CDK19: variants seen among roughly 807,000 people sequenced by gnomAD.
The protein encoded by CDK19 is cyclin-dependent kinase 19.
Under a neutral mutation model 68.3 loss-of-function variants are expected in CDK19, and 20 were observed. That is an observed-to-expected ratio of 0.29 (90% CI 0.21 to 0.43). The LOEUF is 0.43. Among genes scored for constraint, CDK19 ranks in the 20% least tolerant of loss-of-function variants. The probability of loss-of-function intolerance (pLI) is 1.00; values close to 1 mark genes in which losing one functional copy is unlikely to be tolerated. For synonymous variants in CDK19, 221 were observed against 222.8 expected (o/e 0.99, Z 0.07); for missense variants, 339 against 623.5 (o/e 0.54, Z 4.86).
chr6:110,662,461 A>G (rs1021490820), intron 4 of CDK19, among the ~76,000 whole-genome samples: 1 of 152,172 alleles, frequency 6.6e-6, no homozygotes, highest in East Asian at 1.9e-4. Context: ...TGAAGGAGTC[A>G]TAAATCCACT....
chr6:110,809,877 T>G (rs1053263902), intron 1 of CDK19, among the ~76,000 whole-genome samples: 1 of 152,208 alleles, frequency 6.6e-6, no homozygotes, highest in Non-Finnish European at 1.5e-5. Context: ...ACAGTGACTT[T>G]ACATATGTAA....
chr6:110,713,464 T>C (rs532379771), intron 2 of CDK19, among the ~76,000 whole-genome samples: 2 of 101,524 alleles, frequency 2.0e-5, no homozygotes, highest in Non-Finnish European at 3.8e-5. Flanking sequence ...TGGGCTCAAG[T>C]GATCCTCTTG....
intron 1 of CDK19, among the ~76,000 whole-genome samples, chr6:110,769,579 A>T (rs926378636): frequency 9.6e-5 from 14 of 145,544 alleles, no homozygotes; most frequent in African/African-American, 3.5e-4. Context: ...AAAAAAAAAA[A>T]TAATAATAAT....
At chr6:110,692,861 T>C (rs1315936863) in intron 2 of CDK19, among the ~76,000 whole-genome samples, 4 of 151,930 alleles carry the variant, frequency 2.6e-5, no homozygotes, top group African/African-American at 9.7e-5. Flanking sequence ...GCCAGACATG[T>C]TGGTGGGCAC....
chr6:110,732,887 T>G (rs1187196309), intron 2 of CDK19, among the ~76,000 whole-genome samples: 1 of 151,964 alleles, frequency 6.6e-6, no homozygotes, highest in Non-Finnish European at 1.5e-5. Context: ...GCCAACACGG[T>G]GAAACCCCAT....
intron 1 of CDK19, among the ~76,000 whole-genome samples, chr6:110,760,127 G>A (rs934482672): frequency 3.3e-5 from 5 of 152,074 alleles, no homozygotes; most frequent in Non-Finnish European, 7.4e-5. Flanking sequence ...CAGGCGCGGT[G>A]CATCACACTT....
intron 1 of CDK19, among the ~76,000 whole-genome samples, chr6:110,747,857 C>T (rs1220279297): frequency 6.6e-6 from 1 of 152,208 alleles, no homozygotes; most frequent in Non-Finnish European, 1.5e-5. Context: ...GAAGCATAAA[C>T]TGCAGGTGAT....
At position 110,621,494 on chromosome 6, in the gene CDK19, T is replaced by G. The variant is rs1162149396; in HGVS notation, c.1111-124A>C. On this transcript the variant is annotated intron_variant, in intron 11 of 12. Coordinates refer to ENST00000368911, the MANE Select transcript of CDK19 (RefSeq NM_015076.5). The surrounding 1 kb of genome is among the most constrained non-coding windows in gnomAD (Gnocchi z 5.4). ...GAGCAATCTATGTGGGACACTAGAG[T>G]GATGGGGAGGACTGGAGAATGGAGC... The G allele has an allele frequency of 4.3e-6, 4 of 925,906 alleles. No homozygotes were observed. The highest frequency in any genetic ancestry group is 6.5e-6 in the Non-Finnish European group (4 of 615,186). The allele number at this position is 925,906 out of a possible 1,614,324, so 57.4% of individuals were successfully genotyped here.
intron 3 of CDK19, among the ~76,000 whole-genome samples, 166 bp downstream of exon 3, chr6:110,670,265 G>A (rs1323742699): frequency 6.6e-6 from 1 of 151,410 alleles, no homozygotes; most frequent in Non-Finnish European, 1.5e-5. Context: ...TAAAATGTGA[G>A]TTTATTGCTT....
At chr6:110,668,083 G>A (rs900363049) in intron 3 of CDK19, among the ~76,000 whole-genome samples, 13 of 152,132 alleles carry the variant, frequency 8.5e-5, no homozygotes, top group African/African-American at 3.1e-4. Flanking sequence ...TAAAAAGGAA[G>A]AGAGAGAAAA....
Position 110,815,279 on chromosome 6 carries a change from G to A in CDK19, c.-143C>T, listed in dbSNP as rs1783549033. On this transcript the variant is annotated 5_prime_UTR_variant, in exon 1 of 13. Coordinates refer to ENST00000368911, the MANE Select transcript of CDK19 (RefSeq NM_015076.5). Reference sequence around the variant, plus strand: ...CGCGCCGCCCGCCGCCCGCCGCTCCGCGGTCCGCCTTCAGCAAGGGACTCC... The same window carrying A: ...CGCGCCGCCCGCCGCCCGCCGCTCCACGGTCCGCCTTCAGCAAGGGACTCC... 2 of 961,078 alleles carry A rather than the reference G, an allele frequency of 2.1e-6. No homozygotes were observed. Among genetic ancestry groups the A allele is most frequent in the East Asian group, 3.4e-5 (1 of 29,202 alleles). The allele number at this position is 961,078 out of a possible 1,614,324, so 59.5% of individuals were successfully genotyped here.
chr6:110,790,507 C>A lies in CDK19; in HGVS notation c.128+24502G>T, dbSNP rs188248757. Among the ~76,000 whole-genome samples the A allele has an allele frequency of 2.5e-3, 380 of 152,098 alleles. 1 individual carries two copies. Among genetic ancestry groups the A allele is most frequent in the African/African-American group, 8.3e-3 (345 of 41,506 alleles). On this transcript the variant is annotated intron_variant, in intron 1 of 12. Transcript: ENST00000368911. ...CCAGGATCACACCACTACGCTCTAG[C>A]CTGGGTGACAGAGCAAGACTCTGTC...
intron 6 of CDK19, 121 bp downstream of exon 6, chr6:110,631,909 A>C: frequency 2.4e-6 from 2 of 825,206 alleles, no homozygotes; most frequent in Non-Finnish European, 3.9e-6. Context: ...GGAATACAGA[A>C]GACAATAGGA....
chr6:110,775,226 A>G (rs538251729), intron 1 of CDK19, among the ~76,000 whole-genome samples: 1 of 152,324 alleles, frequency 6.6e-6, no homozygotes, highest in East Asian at 1.9e-4. Flanking sequence ...GCCTGGCAAC[A>G]GGGTGAGAAT....
chr6:110,669,507 G>A (rs1770810794), intron 3 of CDK19, among the ~76,000 whole-genome samples: 1 of 152,140 alleles, frequency 6.6e-6, no homozygotes, highest in South Asian at 2.1e-4. Context: ...AAGGCTGGGT[G>A]TGATGGCTCA....
rs1411970735 is a variant in CDK19 at position 110,815,259 on chromosome 6, C to T, written c.-123G>A. On this transcript the variant is annotated 5_prime_UTR_variant, in exon 1 of 13. Transcript: ENST00000368911. ...CCGCCTCTCGCGCGCGCGCGCGCGCCGCCCGCCGCCCGCCGCTCCGCGGTC... is the reference window on the plus strand; with the variant it reads ...CCGCCTCTCGCGCGCGCGCGCGCGCTGCCCGCCGCCCGCCGCTCCGCGGTC... 1.1e-5 allele frequency: 11 copies of T among 1,028,562 alleles called. No homozygotes were observed. Among genetic ancestry groups the T allele is most frequent in the Non-Finnish European group, 1.4e-5 (11 of 784,152 alleles). The allele number at this position is 1,028,562 out of a possible 1,614,324, so 63.7% of individuals were successfully genotyped here. A position where few individuals can be genotyped will look rare whatever the true frequency, so the allele number is the denominator to read the frequency against.
intron 9 of CDK19, 129 bp from the exon 10 acceptor site, chr6:110,623,041 A>AT (rs1322328927): frequency 4.3e-6 from 3 of 696,286 alleles, no homozygotes; most frequent in Middle Eastern, 2.4e-4. Context: ...CAGATTATGC[A>AT]TACTACATAC....
chr6:110,667,447 A>C lies in CDK19; in HGVS notation c.443T>G (p.Leu148Arg). ...AAAAATACTTACCAAGTCTCTGTGA[A>C]GCACCCAATTTGCATGGAGGTAATG... ...GIHYLHANWV[L>R]HRDLKPANIL... The change falls in exon 4 of 13, where the codon CTT (leucine) becomes CGT (arginine). Residue 148 changes from leucine to arginine, a missense_variant. Leu to Arg is a moderately radical substitution (Grantham distance 102). Transcript: ENST00000368911. 6.3e-7 allele frequency: 1 copy of C among 1,579,154 alleles called. No homozygotes were observed.
rs57966061 is a variant in CDK19, at chr6:110,675,627, CAAAAAA to C, written c.205-5092_205-5087del. ...GGGCAACAAGAATGAGACTCCATCT[CAAAAAA>C]AAAAAAAAAAAAAAAAGAATTATGC... is the stretch of plus-strand genomic sequence containing the variant. On this transcript the variant is annotated intron_variant, in intron 2 of 12. Transcript: ENST00000368911. Among the ~76,000 whole-genome samples the C allele has an allele frequency of 3.6e-3, 201 of 56,542 alleles. 2 individuals carry two copies. Among genetic ancestry groups the C allele is most frequent in the African/African-American group, 0.013 (194 of 14,890 alleles). The allele number at this position is 56,542 out of a possible 152,430, so 37.1% of individuals were successfully genotyped here. A position where few individuals can be genotyped will look rare whatever the true frequency, so the allele number is the denominator to read the frequency against.
Sources: gnomAD v4.1 joint callset for allele counts (sites outside exome capture counted in the v4.1 genomes callset) on GRCh38, gnomAD v4.1.1 for gene constraint, Gnocchi (gnomAD v3.1) non-coding constraint, MANE v1.5 for transcripts, NCBI Gene and HGNC (gene_info 2026-07-23, HGNC 2026-07-21) for gene names.